Variants in NFKB1 observed in about 807,000 individuals in gnomAD.
NFKB1 encodes the protein nuclear factor NF-kappa-B p105 subunit.
Under a neutral mutation model 105.1 loss-of-function variants are expected in NFKB1, and 9 were observed. That is an observed-to-expected ratio of 0.09 (90% CI 0.05 to 0.15). NFKB1 has a LOEUF of 0.15. NFKB1 is among the 10% of genes least tolerant of loss of function. The probability of loss-of-function intolerance (pLI) is 1.00; values close to 1 mark genes in which losing one functional copy is unlikely to be tolerated. For synonymous variants in NFKB1, 440 were observed against 442.2 expected, an observed-to-expected ratio of 1.00 and a Z score of 0.06; for missense variants, 830 against 1,203.7, an observed-to-expected ratio of 0.69 and a Z score of 4.59.
At chr4:102,596,400 T>C in intron 14 of NFKB1, 68 bp downstream of exon 14, 1 of 1,264,162 alleles carries the variant, frequency 7.9e-7, no homozygotes, top group Non-Finnish European at 1.1e-6. Context: ...TGCAGAAAGA[T>C]ATCTGCTAAT....
At chr4:102,564,223 A>C (rs1354155898) in intron 5 of NFKB1, among the ~76,000 whole-genome samples, 1 of 152,228 alleles carries the variant, frequency 6.6e-6, no homozygotes, top group Non-Finnish European at 1.5e-5. Context: ...AGGAACCACT[A>C]TTCAAAGAAG....
chr4:102,559,896 C>T (rs1457777252), intron 5 of NFKB1, among the ~76,000 whole-genome samples: 1 of 150,262 alleles, frequency 6.7e-6, no homozygotes, highest in East Asian at 1.9e-4. Context: ...CATGATCATA[C>T]CACTGTACTC....
At chr4:102,556,050 G>A (rs1722967005) in intron 5 of NFKB1, among the ~76,000 whole-genome samples, 1 of 152,148 alleles carries the variant, frequency 6.6e-6, no homozygotes, top group African/African-American at 2.4e-5. Flanking sequence ...TGAGATTTTT[G>A]GGGTGGTACT....
intron 10 of NFKB1, among the ~76,000 whole-genome samples, chr4:102,584,093 C>A (rs1186341427): frequency 6.6e-6 from 1 of 152,074 alleles, no homozygotes. Context: ...GGATGGGGAA[C>A]AAGAATGTCA....
chr4:102,610,163 G>C (rs1728259411), intron 19 of NFKB1, among the ~76,000 whole-genome samples: 1 of 152,188 alleles, frequency 6.6e-6, no homozygotes, highest in African/African-American at 2.4e-5. Context: ...AAGAAAAGGG[G>C]CTGAGAAATA....
chr4:102,616,980 A>G lies in NFKB1; in HGVS notation c.*386A>G, dbSNP rs1728994500. Reference sequence around the variant, plus strand: ...TGGCATTCCTTCTGACCACAGCATCATTTTGCATTCAAATTAAGGGTTAAG... The same window carrying G: ...TGGCATTCCTTCTGACCACAGCATCGTTTTGCATTCAAATTAAGGGTTAAG... On this transcript the variant is annotated 3_prime_UTR_variant, in exon 24 of 24. Transcript: ENST00000226574. The G allele has an allele frequency of 6.5e-6, 1 of 154,020 alleles. No individual in the cohort carries two copies. The highest frequency in any genetic ancestry group is 2.4e-5 in the African/African-American group (1 of 41,200). 9.5% of individuals were successfully genotyped at this position (154,020 alleles called of 1,614,324 possible). A position where few individuals can be genotyped will look rare whatever the true frequency, so the allele number is the denominator to read the frequency against.
chr4:102,607,204 T>G lies in NFKB1; in HGVS notation c.2009T>G (p.Leu670Arg). ...MMSNSLPCLL[L>R]LVAAGADVNA... ...AGCAATAGCCTGCCATGTTTGCTGC[T>G]GCTGGTGGCCGCTGGGGCTGACGTC... is the stretch of plus-strand genomic sequence containing the variant. Residue 670 changes from leucine to arginine, a missense_variant, in exon 18 of 24, where the codon CTG (leucine) becomes CGG (arginine). Coordinates refer to ENST00000226574, the MANE Select transcript of NFKB1 (RefSeq NM_003998.4). 1 of 1,614,176 alleles carries G rather than the reference T, an allele frequency of 6.2e-7. No individual in the cohort carries two copies. The highest frequency in any genetic ancestry group is 8.5e-7 in the Non-Finnish European group (1 of 1,180,038).
intron 9 of NFKB1, among the ~76,000 whole-genome samples, chr4:102,581,430 C>G (rs1267899132): frequency 1.3e-5 from 2 of 152,020 alleles, no homozygotes; most frequent in Admixed American, 6.6e-5. Context: ...ATTAAATTCT[C>G]TGAGGTATAT....
At chr4:102,550,386 T>A (rs548564691) in intron 5 of NFKB1, among the ~76,000 whole-genome samples, 1 of 152,278 alleles carries the variant, frequency 6.6e-6, no homozygotes, top group Admixed American at 6.5e-5. Context: ...CTAGACTCTT[T>A]CATTAGGCAG....
rs144355566 is a variant in NFKB1 at position 102,534,317 on chromosome 4, A to G, written c.159+432A>G. 7.9e-5 allele frequency among the ~76,000 whole-genome samples: 12 copies of G among 152,290 alleles called. No homozygotes were observed. In the East Asian group the frequency reaches 2.3e-3, roughly 29 times the overall value. On this transcript the variant is annotated intron_variant, in intron 4 of 23. Transcript: ENST00000226574. ...TCTTAGCCTTCCTCCTTCCTTTGGT[A>G]GCCCCAGCCTTTTCTGTGCTGCCTT...
At chr4:102,519,284 ATATAAG>A (rs1303138478) in intron 1 of NFKB1, among the ~76,000 whole-genome samples, 6 of 147,998 alleles carry the variant, frequency 4.1e-5, no homozygotes, top group Non-Finnish European at 6.0e-5. Flanking sequence ...TAGTTTTCAT[ATATAAG>A]TATATTATAT....
chr4:102,546,525 C>T (rs576697332), intron 5 of NFKB1, among the ~76,000 whole-genome samples: 27 of 152,164 alleles, frequency 1.8e-4, no homozygotes, highest in African/African-American at 5.3e-4. Context: ...TTCTTTAATG[C>T]ATAGCTGAGT....
At chr4:102,519,503 T>A (rs1022833514) in intron 1 of NFKB1, among the ~76,000 whole-genome samples, 3 of 149,830 alleles carry the variant, frequency 2.0e-5, no homozygotes, top group South Asian at 2.1e-4. Context: ...AATTTTTTTT[T>A]AAAAAAAGAA....
intron 11 of NFKB1, among the ~76,000 whole-genome samples, chr4:102,587,707 ATACT>A (rs1292536220): frequency 2.6e-5 from 4 of 152,304 alleles, no homozygotes; most frequent in East Asian, 3.9e-4. Flanking sequence ...GTCTGGAGAA[ATACT>A]TACCCATTGA....
intron 11 of NFKB1, among the ~76,000 whole-genome samples, chr4:102,590,676 A>G (rs1241236223): frequency 1.3e-5 from 2 of 152,172 alleles, no homozygotes; most frequent in Admixed American, 1.3e-4. Flanking sequence ...CTGACTGGCA[A>G]TTCCTCCATC....
intron 9 of NFKB1, 78 bp downstream of exon 9, chr4:102,580,717 C>G: frequency 8.4e-7 from 1 of 1,183,548 alleles, no homozygotes; most frequent in Non-Finnish European, 1.2e-6. Flanking sequence ...CTGTGAGTCA[C>G]ATTTCAGCAG....
At chr4:102,520,246 T>C (rs2149107791) in intron 1 of NFKB1, among the ~76,000 whole-genome samples, 1 of 152,350 alleles carries the variant, frequency 6.6e-6, no homozygotes, top group Non-Finnish European at 1.5e-5. Context: ...AAGTGTAGAA[T>C]GGGAAACAAA....
At chr4:102,580,376 A>G (rs1202334913) in intron 8 of NFKB1, among the ~76,000 whole-genome samples, 159 bp from the exon 9 acceptor site, 1 of 152,172 alleles carries the variant, frequency 6.6e-6, no homozygotes, top group Non-Finnish European at 1.5e-5. Context: ...GTGTTCCGAG[A>G]ATTTCAGAAG....
chr4:102,550,800 A>G (rs1165506325), intron 5 of NFKB1, among the ~76,000 whole-genome samples: 1 of 152,108 alleles, frequency 6.6e-6, no homozygotes, highest in Non-Finnish European at 1.5e-5. Context: ...CCTTCTGTGT[A>G]TTTATGTTTC....
Sources: allele counts gnomAD v4.1 joint callset (sites outside exome capture counted in the v4.1 genomes callset), GRCh38; gene constraint gnomAD v4.1.1; transcripts MANE v1.5; gene names NCBI Gene and HGNC (gene_info 2026-07-23, HGNC 2026-07-21).